The following PLEKHM3 variants were observed in gnomAD, a reference collection of about 807,000 sequenced individuals.
PLEKHM3 encodes pleckstrin homology domain-containing family M member 3.
Under a neutral mutation model 81.8 loss-of-function variants are expected in PLEKHM3, and 45 were observed. The ratio of observed to expected loss-of-function variants is 0.55; its 90% CI spans 0.43 to 0.71. PLEKHM3 has a LOEUF of 0.71. PLEKHM3 is among the 30% of genes least tolerant of loss of function. The pLI, the probability that PLEKHM3 is intolerant of heterozygous loss-of-function variation, is 0.00. For synonymous variants in PLEKHM3, 352 were observed against 356.4 expected, an observed-to-expected ratio of 0.99 and a Z score of 0.14; for missense variants, 788 against 924.3, an observed-to-expected ratio of 0.85 and a Z score of 1.91.
Position 207,930,993 on chromosome 2 carries a change from G to A in PLEKHM3, c.1819C>T (p.Arg607Trp). Reference sequence around the variant, plus strand: ...AAATAGGCTCGGAGCGACTTCAGCCGCTGCCGCAGCCGCAGCACGGCGGCC... The same window carrying A: ...AAATAGGCTCGGAGCGACTTCAGCCACTGCCGCAGCCGCAGCACGGCGGCC... Reference protein sequence around the residue: ...PLAAVLRLRQRLKSLRAYLFS... With the variant: ...PLAAVLRLRQWLKSLRAYLFS... The change falls in exon 5 of 8, where the codon CGG becomes TGG. Residue 607 changes from arginine to tryptophan, a missense_variant. By Grantham distance (101) the Arg-to-Trp change is moderately radical (BLOSUM62 -3). Transcript: ENST00000427836. 6 of 1,613,692 alleles carry A rather than the reference G, an allele frequency of 3.7e-6. No homozygotes were observed. The highest frequency in any genetic ancestry group is 5.1e-6 in the Non-Finnish European group (6 of 1,179,712).
chr2:207,961,130 G>A lies in PLEKHM3; in HGVS notation c.1547-14618C>T, dbSNP rs561547177. Among the ~76,000 whole-genome samples the A allele has an allele frequency of 7.9e-5, 12 of 152,322 alleles. No individual in the cohort carries two copies. The South Asian group carries it at 2.5e-3, about 32-fold the overall frequency. The stretch of plus-strand genomic sequence containing the variant: ...TATAAACAGAAGACCAAGCTCTTGT[G>A]CTCCTAATTTATTACTTATCCCACT... On this transcript the variant is annotated intron_variant, in intron 3 of 7. Transcript: ENST00000427836.
At chr2:207,853,280 C>CT (rs1401356026) in intron 7 of PLEKHM3, among the ~76,000 whole-genome samples, 5 of 151,734 alleles carry the variant, frequency 3.3e-5, no homozygotes, top group Non-Finnish European at 7.4e-5. Flanking sequence ...AGCCGAGTGT[C>CT]TTGGCACATG....
At chr2:207,926,054 T>C (rs73983641) in intron 5 of PLEKHM3, among the ~76,000 whole-genome samples, 3,102 of 152,050 alleles carry the variant, frequency 0.02, 102 homozygotes, top group African/African-American at 0.071. Flanking sequence ...GGAACCACCA[T>C]AAACGAATTA....
chr2:207,966,996 T>C (rs553457149), intron 3 of PLEKHM3, among the ~76,000 whole-genome samples: 1 of 152,072 alleles, frequency 6.6e-6, no homozygotes, highest in African/African-American at 2.4e-5. Context: ...TTTATTTTTA[T>C]TTTTTTAGAC....
chr2:207,865,801 A>AAATATATATAT, intron 6 of PLEKHM3, among the ~76,000 whole-genome samples: 3 of 25,288 alleles, frequency 1.2e-4, no homozygotes, highest in African/African-American at 4.2e-4. Context: ...AAAAAAAAAA[A>AAATATATATAT]AGATATATAT....
chr2:208,016,404 G>T (rs73066727), intron 1 of PLEKHM3, among the ~76,000 whole-genome samples: 3,188 of 151,798 alleles, frequency 0.021, 116 homozygotes, highest in African/African-American at 0.072. Flanking sequence ...CAGCACTTTG[G>T]GGGGAGATGG....
chr2:207,997,118 G>C (rs1692146958), intron 2 of PLEKHM3, among the ~76,000 whole-genome samples: 1 of 152,122 alleles, frequency 6.6e-6, no homozygotes, highest in Non-Finnish European at 1.5e-5. Context: ...TCTAGGTTTA[G>C]AGTCAGTGTT....
At chr2:207,849,108 C>A (rs1243909182) in intron 7 of PLEKHM3, among the ~76,000 whole-genome samples, 2 of 152,034 alleles carry the variant, frequency 1.3e-5, no homozygotes, top group South Asian at 4.2e-4. Flanking sequence ...CCGAGGCGGG[C>A]GGATCACTGG....
intron 5 of PLEKHM3, among the ~76,000 whole-genome samples, chr2:207,920,807 A>G (rs1689156642): frequency 6.6e-6 from 1 of 152,178 alleles, no homozygotes; most frequent in Non-Finnish European, 1.5e-5. Context: ...GGTCTGGGAC[A>G]TAGGAGGGTC....
At chr2:207,930,361 C>T (rs114686091) in intron 5 of PLEKHM3, among the ~76,000 whole-genome samples, 4,507 of 152,024 alleles carry the variant, frequency 0.03, 204 homozygotes, top group African/African-American at 0.1. Flanking sequence ...GCAGGAGGAT[C>T]GCTTGAGTCC....
At chr2:207,974,075 A>T (rs1301230605) in intron 3 of PLEKHM3, among the ~76,000 whole-genome samples, 1 of 152,200 alleles carries the variant, frequency 6.6e-6, no homozygotes, top group East Asian at 1.9e-4. Context: ...CCCTTACCCA[A>T]CCTATCCTCC....
chr2:207,899,400 C>A (rs183475691), intron 6 of PLEKHM3, among the ~76,000 whole-genome samples: 1 of 152,282 alleles, frequency 6.6e-6, no homozygotes, highest in Admixed American at 6.5e-5. Context: ...AGACAGAGTG[C>A]AAGAGTTTGA....
intron 2 of PLEKHM3, among the ~76,000 whole-genome samples, chr2:207,982,235 C>A (rs1161949230): frequency 2.5e-5 from 3 of 122,250 alleles, no homozygotes; most frequent in Non-Finnish European, 3.4e-5. Flanking sequence ...CTCCCTCACT[C>A]CCCCCCTCGC....
rs141955628 is a variant in PLEKHM3 at position 207,859,659 on chromosome 2, G to A, written c.2108+1446C>T. 6.9e-3 allele frequency among the ~76,000 whole-genome samples: 1,049 copies of A among 151,586 alleles called. 7 individuals are homozygous for A. Among genetic ancestry groups the A allele is most frequent in the African/African-American group, 0.011 (437 of 41,308 alleles). ...GTTGCCCAGGCTGGAGTGCAGTGGCGTAATCTCAGCTTACTATAGCCTCCA... is the reference window on the plus strand; with the variant it reads ...GTTGCCCAGGCTGGAGTGCAGTGGCATAATCTCAGCTTACTATAGCCTCCA... On this transcript the variant is annotated intron_variant, in intron 7 of 7. Transcript: ENST00000427836.
At chr2:207,864,966 A>G (rs2092487510) in intron 6 of PLEKHM3, among the ~76,000 whole-genome samples, 1 of 152,214 alleles carries the variant, frequency 6.6e-6, no homozygotes, top group African/African-American at 2.4e-5. Context: ...TATTGCTGGT[A>G]TATTAGAATA....
In PLEKHM3 at chr2:207,821,862, A is replaced by T. The variant is rs1262768764; in HGVS notation, c.*6457T>A. On this transcript the variant is annotated 3_prime_UTR_variant, in exon 8 of 8. Transcript: ENST00000427836. ...CCAAAGAGCTGGGATTACAGGTGTG[A>T]GCCGCTGCGGCCAACCACTTTCCCT... 2 of 152,146 alleles carry T rather than the reference A, an allele frequency of 1.3e-5. No individual in the cohort carries two copies. The allele number at this position is 152,146 out of a possible 1,614,324, so 9.4% of individuals were successfully genotyped here.
chr2:207,858,660 T>C (rs1314620838), intron 7 of PLEKHM3, among the ~76,000 whole-genome samples: 1 of 152,088 alleles, frequency 6.6e-6, no homozygotes, highest in African/African-American at 2.4e-5. Context: ...TTTATATTTT[T>C]AGTAGAGACG....
intron 4 of PLEKHM3, among the ~76,000 whole-genome samples, chr2:207,940,089 C>T (rs938899951): frequency 6.6e-6 from 1 of 152,172 alleles, no homozygotes; most frequent in Non-Finnish European, 1.5e-5. Flanking sequence ...AGGCTTCATT[C>T]TTTCATTCAT....
At chr2:208,009,914 A>C (rs1225669081) in intron 1 of PLEKHM3, among the ~76,000 whole-genome samples, 1 of 152,148 alleles carries the variant, frequency 6.6e-6, no homozygotes, top group Non-Finnish European at 1.5e-5. Context: ...AAGCTTTTAC[A>C]TTTTTTTCTT....
Sources: allele counts gnomAD v4.1 joint callset (sites outside exome capture counted in the v4.1 genomes callset), GRCh38; gene constraint gnomAD v4.1.1; transcripts MANE v1.5; gene names NCBI Gene and HGNC (gene_info 2026-07-23, HGNC 2026-07-21).